TBC1D31: variants seen among roughly 807,000 people sequenced by gnomAD.
TBC1D31 encodes the protein WD repeat domain 67.
In TBC1D31, 99 loss-of-function variants were observed where a neutral mutation model predicts 132.9. The observed-to-expected ratio is 0.74, with a 90% CI of 0.63 to 0.88. TBC1D31 has a LOEUF of 0.88. Ranked by LOEUF, TBC1D31 falls within the 40% of genes least tolerant of loss-of-function variation. The pLI, the probability that TBC1D31 is intolerant of heterozygous loss-of-function variation, is 0.00. For synonymous variants in TBC1D31, 385 were observed against 419.4 expected, an observed-to-expected ratio of 0.92 and a Z score of 1.00; for missense variants, 1,134 against 1,256.6, an observed-to-expected ratio of 0.90 and a Z score of 1.48.
downstream of TBC1D31, among the ~76,000 whole-genome samples, chr8:123,153,762 T>C (rs895047464): frequency 2.6e-5 from 4 of 152,240 alleles, no homozygotes; most frequent in African/African-American, 9.6e-5. Context: ...TGGCTAAAAT[T>C]CCTTGCTACA....
chr8:123,103,364 TCTTA>T (rs1468037723), intron 7 of TBC1D31: 2 of 152,118 alleles, frequency 1.3e-5, no homozygotes, highest in Non-Finnish European at 2.9e-5. Context: ...TAATATCTGC[TCTTA>T]CTGAGAGAGT....
rs114962907 is a variant in TBC1D31 at position 123,150,721 on chromosome 8, T to G, written c.3067+593T>G. Among the ~76,000 whole-genome samples, 737 of 152,308 alleles carry G rather than the reference T, an allele frequency of 4.8e-3. 4 individuals carry two copies. Among genetic ancestry groups the G allele is most frequent in the African/African-American group, 0.017 (704 of 41,566 alleles). On this transcript the variant is annotated intron_variant, in intron 21 of 21. Coordinates refer to ENST00000287380, the MANE Select transcript of TBC1D31 (RefSeq NM_145647.4). ...TTTTAGAAGGGACAGGGTAGAAACA[T>G]CTTACAGAAATGTAATCACAGCATT...
intron 17 of TBC1D31, among the ~76,000 whole-genome samples, chr8:123,138,514 T>C (rs1046028586): frequency 6.6e-6 from 1 of 152,244 alleles, no homozygotes; most frequent in African/African-American, 2.4e-5. Context: ...TGTTTGGCTT[T>C]TTTAACCTAC....
chr8:123,128,227 C>A, intron 13 of TBC1D31, 54 bp from the exon 14 acceptor site: 2 of 873,638 alleles, frequency 2.3e-6, no homozygotes, highest in Non-Finnish European at 3.7e-6. Context: ...TTAATTCTAC[C>A]TCATAATTGC....
rs764855457 is a variant in TBC1D31, at chr8:123,120,054, G to C, written c.1437-1G>C. 2 of 1,581,180 alleles carry C rather than the reference G, an allele frequency of 1.3e-6. No homozygotes were observed. Among genetic ancestry groups the C allele is most frequent in the Admixed American group, 3.9e-5 (2 of 51,198 alleles). The stretch of plus-strand genomic sequence containing the variant: ...TTAATGCTAAGTTATTTTATTCACA[G>C]AACCTTATCTGCATTAGCTCACTGG... On this transcript the variant is annotated splice_acceptor_variant, in intron 10 of 21. Transcript: ENST00000287380. LOFTEE classifies it high-confidence loss of function.
At chr8:123,117,353 A>G (rs1819019062) in intron 10 of TBC1D31, among the ~76,000 whole-genome samples, 3 of 152,132 alleles carry the variant, frequency 2.0e-5, no homozygotes, top group Admixed American at 2.0e-4. Flanking sequence ...ATATTTGCAT[A>G]GTCTTAAAAT....
chr8:123,090,367 C>T (rs1816207620), intron 4 of TBC1D31, among the ~76,000 whole-genome samples: 1 of 152,126 alleles, frequency 6.6e-6, no homozygotes, highest in Non-Finnish European at 1.5e-5. Context: ...AGTTACACCT[C>T]TTCAAATTAG....
rs145296306 is a variant in TBC1D31, at chr8:123,141,710, C to T, written c.2641-552C>T. Among the ~76,000 whole-genome samples the T allele has an allele frequency of 1.4e-3, 218 of 152,014 alleles. 1 individual carries two copies. The highest frequency in any genetic ancestry group is 5.1e-3 in the African/African-American group (212 of 41,446). ...CATTTTTTTTTAATAGGCTTGTGTCCAGTCTGTTAAAATGGGCTCTTCTTC... is the reference window on the plus strand; with the variant it reads ...CATTTTTTTTTAATAGGCTTGTGTCTAGTCTGTTAAAATGGGCTCTTCTTC... On this transcript the variant is annotated intron_variant, in intron 18 of 21. Coordinates refer to ENST00000287380, the MANE Select transcript of TBC1D31 (RefSeq NM_145647.4).
chr8:123,125,129 C>CTT (rs1819908336), intron 11 of TBC1D31, among the ~76,000 whole-genome samples: 1 of 152,100 alleles, frequency 6.6e-6, no homozygotes, highest in Admixed American at 6.6e-5. Flanking sequence ...CTGATAAAGC[C>CTT]TTCTTTTGCT....
chr8:123,093,257 T>G lies in TBC1D31; in HGVS notation c.520-334T>G, dbSNP rs376258305. ...AGCCACCACACCTGACCAATGTGCT[T>G]TATTTTAAAAGTAAAATTGATACTC... On this transcript the variant is annotated intron_variant, in intron 4 of 21. Transcript: ENST00000287380. 8.5e-5 allele frequency among the ~76,000 whole-genome samples: 13 copies of G among 152,286 alleles called. No homozygotes were observed. In the East Asian group the frequency reaches 1.2e-3, roughly 14 times the overall value.
At chr8:123,116,444 AAAG>A (rs1563719886) in intron 10 of TBC1D31, among the ~76,000 whole-genome samples, 1 of 152,218 alleles carries the variant, frequency 6.6e-6, no homozygotes, top group African/African-American at 2.4e-5. Flanking sequence ...ACTCTCAGAG[AAAG>A]AAGATAAATA....
Position 123,084,821 on chromosome 8 carries a change from G to A in TBC1D31, c.519+481G>A, listed in dbSNP as rs189254182. Among the ~76,000 whole-genome samples, 229 of 151,118 alleles carry A rather than the reference G, an allele frequency of 1.5e-3. 1 individual carries two copies. The highest frequency in any genetic ancestry group is 2.8e-3 in the Non-Finnish European group (189 of 67,872). On this transcript the variant is annotated intron_variant, in intron 4 of 21. Transcript: ENST00000287380. ...TTGTTTTGTTTTGAGACAGAATCTC[G>A]CTCTGTCACCTAGGCTGGGGTGCAG... is the stretch of plus-strand genomic sequence containing the variant.
In TBC1D31 at chr8:123,144,747, T is replaced by A; in HGVS notation, c.2866T>A (p.Leu956Met). ...WKEAEGKEFR[L>M]RSAKKASALS... The stretch of plus-strand genomic sequence containing the variant: ...GGAAGCTGAAGGAAAAGAGTTCCGT[T>A]TGAGATCAGCAAAGAAAGCTTCTGC... The change falls in exon 20 of 22, where the codon TTG becomes ATG. Residue 956 changes from leucine (L) to methionine (M), a missense_variant. By Grantham distance (15) the Leu-to-Met change is conservative. Transcript: ENST00000287380. 9 of 1,608,690 alleles carry A rather than the reference T, an allele frequency of 5.6e-6. No homozygotes were observed. Among genetic ancestry groups the A allele is most frequent in the Non-Finnish European group, 7.6e-6 (9 of 1,178,792 alleles).
At chr8:123,161,695 T>C in the TBC1D31 span, among the ~76,000 whole-genome samples, 1 of 152,050 alleles carries the variant, frequency 6.6e-6, no homozygotes, top group Admixed American at 6.6e-5. Flanking sequence ...TTTTTTAAAA[T>C]ATAAAATTGA....
At position 123,097,419 on chromosome 8, in the gene TBC1D31, G is replaced by T; in HGVS notation, c.809G>T (p.Ser270Ile). Residue 270 changes from serine (S) to isoleucine (I), a missense_variant, in exon 6 of 22, where the codon AGT (serine) becomes ATT (isoleucine). Ser to Ile is a moderately radical substitution (Grantham distance 142). Transcript: ENST00000287380. ...CGCCATCTGGAATTTCTTCCTGATA[G>T]TTTTGATGCTGGTTCTAATCAGGTT... ...AIRHLEFLPDSFDAGSNQVLG... is the reference protein window; with the variant it reads ...AIRHLEFLPDIFDAGSNQVLG... 6.2e-7 allele frequency: 1 copy of T among 1,614,186 alleles called. No individual in the cohort carries two copies. The highest frequency in any genetic ancestry group is 1.1e-5 in the South Asian group (1 of 91,086).
chr8:123,139,691 G>A (rs1192885150), intron 17 of TBC1D31, among the ~76,000 whole-genome samples: 1 of 151,968 alleles, frequency 6.6e-6, no homozygotes, highest in Non-Finnish European at 1.5e-5. Context: ...CATATACACA[G>A]CCTTACACAT....
chr8:123,079,662 G>A (rs189762921), intron 2 of TBC1D31, among the ~76,000 whole-genome samples: 4 of 152,208 alleles, frequency 2.6e-5, no homozygotes, highest in African/African-American at 9.6e-5. Context: ...GTTACTTAAC[G>A]TTTCCTATTC....
intron 14 of TBC1D31, among the ~76,000 whole-genome samples, 159 bp downstream of exon 14, chr8:123,128,672 C>G (rs891889307): frequency 6.6e-6 from 1 of 152,028 alleles, no homozygotes; most frequent in Admixed American, 6.6e-5. Context: ...GTCAGGAGTT[C>G]GAGACCAGCC....
At chr8:123,159,268 G>GAAAAAAAAA in the TBC1D31 span, among the ~76,000 whole-genome samples, 17 of 93,828 alleles carry the variant, frequency 1.8e-4, no homozygotes, top group African/African-American at 5.3e-4. Context: ...ATTTGAACAG[G>GAAAAAAAAA]AAAAAAAAAA....
Sources: allele counts gnomAD v4.1 joint callset (sites outside exome capture counted in the v4.1 genomes callset), GRCh38; gene constraint gnomAD v4.1.1; transcripts MANE v1.5; gene names NCBI Gene and HGNC (gene_info 2026-07-23, HGNC 2026-07-21).